ITGA10: variants seen among roughly 807,000 people sequenced by gnomAD.
The protein encoded by ITGA10 is integrin subunit alpha 10.
In ITGA10, 105 loss-of-function variants were observed where a neutral mutation model predicts 145.2. The observed-to-expected ratio is 0.72, with a 90% CI of 0.62 to 0.85. The LOEUF is 0.85. ITGA10 is among the 40% of genes least tolerant of loss of function. The probability of loss-of-function intolerance (pLI) is 0.00; values close to 1 mark genes in which losing one functional copy is unlikely to be tolerated. For missense variants in ITGA10, 1,317 were observed against 1,444.5 expected, an observed-to-expected ratio of 0.91 and a Z score of 1.43; for synonymous variants, 506 against 557.8, an observed-to-expected ratio of 0.91 and a Z score of 1.31.
Position 145,892,368 on chromosome 1 carries a change from T to G in ITGA10, c.*430A>C. 1.3e-5 allele frequency: 2 copies of G among 158,660 alleles called. No individual in the cohort carries two copies. The highest frequency in any genetic ancestry group is 6.3e-5 in the Admixed American group (1 of 15,914). 9.8% of individuals were successfully genotyped at this position (158,660 alleles called of 1,614,324 possible). On this transcript the variant is annotated 3_prime_UTR_variant, in exon 30 of 30. Transcript: ENST00000369304. ...CCAACGTCAGCTCCCTCCTGTGGAG[T>G]GGGGAACAGGCAGGAAAGTGAGAGG...
At chr1:145,899,560 G>C (rs1655941048) in intron 15 of ITGA10, among the ~76,000 whole-genome samples, 1 of 151,724 alleles carries the variant, frequency 6.6e-6, no homozygotes, top group South Asian at 2.1e-4. Context: ...CCACGCTGGA[G>C]TGCAGTGGGG....
At chr1:145,908,021 C>T (rs587723338) in intron 1 of ITGA10, among the ~76,000 whole-genome samples, 3 of 152,110 alleles carry the variant, frequency 2.0e-5, no homozygotes, top group East Asian at 1.9e-4. Flanking sequence ...CCGCCCGCCT[C>T]GGCCTCCCAA....
rs201809761 is a variant in ITGA10, at chr1:145,898,165, G to A, written c.2291C>T (p.Thr764Ile). 2 of 1,614,058 alleles carry A rather than the reference G, an allele frequency of 1.2e-6. No individual in the cohort carries two copies. The highest frequency in any genetic ancestry group is 2.2e-5 in the East Asian group (1 of 44,870). Residue 764 changes from threonine (T) to isoleucine (I), a missense_variant, in exon 18 of 30, where the codon ACT (threonine) becomes ATT (isoleucine). Transcript: ENST00000369304. ...ALTVTFALDN[T>I]TKPGPVLNEG... is the part of the protein sequence containing the mutation. ...ATTCAGCACAGGCCCTGGCTTTGTA[G>A]TATTGTCCAAGGCAAAGGTCACAGT...
At chr1:145,904,873 T>C in intron 5 of ITGA10, 62 bp from the exon 6 acceptor site, 1 of 1,564,358 alleles carries the variant, frequency 6.4e-7, no homozygotes, top group South Asian at 1.1e-5. Context: ...GGGAAAGAGG[T>C]CACAGGAGGA....
At chr1:145,903,442 TG>T (rs1309023905) in intron 7 of ITGA10, among the ~76,000 whole-genome samples, 1 of 152,112 alleles carries the variant, frequency 6.6e-6, no homozygotes, top group Non-Finnish European at 1.5e-5. Context: ...GGATCATTGT[TG>T]GAGTGGAGGG....
Position 145,896,336 on chromosome 1 carries a change from G to A in ITGA10, c.2851C>T (p.Arg951Cys), listed in dbSNP as rs142228466. Reference protein sequence around the residue: ...LLFSSESTLHRYEVHPYGTLP... With the variant: ...LLFSSESTLHCYEVHPYGTLP... Reference sequence around the variant, plus strand: ...GTCCCATATGGGTGAACCTCATAGCGGTGCAGGGTAGACTCACTGTGTGAA... The same window carrying A: ...GTCCCATATGGGTGAACCTCATAGCAGTGCAGGGTAGACTCACTGTGTGAA... The change falls in exon 24 of 30, where the codon CGC becomes TGC. Residue 951 changes from arginine to cysteine, a missense_variant. By Grantham distance (180) the Arg-to-Cys change is radical. Coordinates refer to ENST00000369304, the MANE Select transcript of ITGA10 (RefSeq NM_003637.5). 4.6e-5 allele frequency: 75 copies of A among 1,613,842 alleles called. No homozygotes were observed. The highest frequency in any genetic ancestry group is 1.9e-4 in the African/African-American group (14 of 75,020).
intron 5 of ITGA10, 73 bp from the exon 6 acceptor site, chr1:145,904,884 C>A (rs1656909259): frequency 6.6e-7 from 1 of 1,511,240 alleles, no homozygotes; most frequent in Non-Finnish European, 9.1e-7. Flanking sequence ...CACAGGAGGA[C>A]ACATTCAATT....
chr1:145,899,038 C>T lies in ITGA10; in HGVS notation c.2130G>A (p.Gly710=). 1 of 1,614,210 alleles carries T rather than the reference C, an allele frequency of 6.2e-7. No homozygotes were observed. The highest frequency in any genetic ancestry group is 1.7e-4 in the Middle Eastern group (1 of 6,060). ...CAGAGCCATCAAATGCTGCACGTGCCCCAGCAGTCCATTCATCCAGTGATG... is the reference window on the plus strand; with the variant it reads ...CAGAGCCATCAAATGCTGCACGTGCTCCAGCAGTCCATTCATCCAGTGATG... The part of the protein sequence containing the change: ...FTASLDEWTA[G]ARAAFDGSGQ... Residue 710 remains glycine (G), a synonymous_variant, in exon 17 of 30, where the codon GGG becomes GGA. Coordinates refer to ENST00000369304, the MANE Select transcript of ITGA10 (RefSeq NM_003637.5).
chr1:145,907,631 G>A, intron 1 of ITGA10, 166 bp from the exon 2 acceptor site: 1 of 984,414 alleles, frequency 1.0e-6, no homozygotes, highest in African/African-American at 1.7e-5. Flanking sequence ...TCCAGGCAAA[G>A]ATGATTCCCT....
intron 6 of ITGA10, 152 bp from the exon 7 acceptor site, chr1:145,904,352 C>G: frequency 5.4e-6 from 4 of 744,046 alleles, no homozygotes; most frequent in Non-Finnish European, 8.9e-6. Flanking sequence ...TCTCCCCTTC[C>G]AAGCCCATCC....
chr1:145,894,424 TAATA>T (rs1363278875), intron 27 of ITGA10, among the ~76,000 whole-genome samples: 4 of 152,152 alleles, frequency 2.6e-5, no homozygotes, highest in Non-Finnish European at 5.9e-5. Flanking sequence ...AGTGGTTTCT[TAATA>T]AATCTTTGTT....
intron 27 of ITGA10, 94 bp from the exon 28 acceptor site, chr1:145,893,729 G>T: frequency 1.1e-6 from 1 of 926,350 alleles, no homozygotes; most frequent in Admixed American, 2.1e-5. Context: ...AGGCTGAGAG[G>T]CATAATGTTG....
At chr1:145,905,404 C>T (rs1273172691) in intron 5 of ITGA10, among the ~76,000 whole-genome samples, 7 of 151,256 alleles carry the variant, frequency 4.6e-5, no homozygotes, top group Middle Eastern at 3.4e-3. Flanking sequence ...CTCAGCCTCC[C>T]GAGTAGCTGG....
Position 145,897,827 on chromosome 1 carries a change from A to G in ITGA10, c.2420T>C (p.Ile807Thr). The G allele has an allele frequency of 6.2e-7, 1 of 1,613,966 alleles. No individual in the cohort carries two copies. Among genetic ancestry groups the G allele is most frequent in the Non-Finnish European group, 8.5e-7 (1 of 1,179,902 alleles). Residue 807 changes from isoleucine to threonine, a missense_variant, in exon 19 of 30, where the codon ATC becomes ACC. Coordinates refer to ENST00000369304, the MANE Select transcript of ITGA10 (RefSeq NM_003637.5). ...TDLVLQVNMD[I>T]RGSRKAPFVV... ...ATGTCCATCCAACCTGGAGCCTCTG[A>G]TGTCCATATTCACTTGAAGCACCAG...
rs138273709 is a variant in ITGA10, at chr1:145,900,985, C to G, written c.1596G>C (p.Leu532Phe). Residue 532 changes from leucine to phenylalanine, a missense_variant, in exon 14 of 30, where the codon TTG becomes TTC. Coordinates refer to ENST00000369304, the MANE Select transcript of ITGA10 (RefSeq NM_003637.5). ...GCTGAAGTGTTCCTTGGAGGGTCAG[C>G]AAGGACTGCTGGTGGAGGAGAGAAG... is the stretch of plus-strand genomic sequence containing the variant. Reference protein sequence around the residue: ...VYVYLVGQQSLLTLQGTLQPE... With the variant: ...VYVYLVGQQSFLTLQGTLQPE... 1 of 1,614,086 alleles carries G rather than the reference C, an allele frequency of 6.2e-7. No individual in the cohort carries two copies.
At chr1:145,893,015 T>A (rs782807095) in intron 29 of ITGA10, 146 bp downstream of exon 29, 267 of 907,972 alleles carry the variant, frequency 2.9e-4, no homozygotes, top group Non-Finnish European at 4.3e-4. Flanking sequence ...TTAACCAACA[T>A]TTGTGGGGTA....
intron 8 of ITGA10, 67 bp downstream of exon 8, chr1:145,902,744 G>T: frequency 6.4e-7 from 1 of 1,558,068 alleles, no homozygotes; most frequent in Non-Finnish European, 8.7e-7. Flanking sequence ...CCCAGTCCTT[G>T]GACAGTTCAC....
Position 145,892,672 on chromosome 1 carries a change from G to A in ITGA10, c.*126C>T. On this transcript the variant is annotated 3_prime_UTR_variant, in exon 30 of 30. Coordinates refer to ENST00000369304, the MANE Select transcript of ITGA10 (RefSeq NM_003637.5). ...TCCCTAGGACTCAAAAGTCAAGTCA[G>A]GCTGCTGGTCTGGGGAGATAGTCCA... 1 of 693,942 alleles carries A rather than the reference G, an allele frequency of 1.4e-6. No homozygotes were observed. Among genetic ancestry groups the A allele is most frequent in the South Asian group, 1.8e-5 (1 of 55,096 alleles). 43.0% of individuals were successfully genotyped at this position (693,942 alleles called of 1,614,324 possible). A position where few individuals can be genotyped will look rare whatever the true frequency, so the allele number is the denominator to read the frequency against.
rs1553748522 is a variant in ITGA10 at position 145,901,579 on chromosome 1, G to A, written c.1380C>T (p.Val460=). ...GAPRFRHRGK[V]IAFQLKKDGA... ...CATCTTTCTTAAGCTGGAAGGCGATGACTTTTCCTCGATGTCTAAATCGAG... is the reference window on the plus strand; with the variant it reads ...CATCTTTCTTAAGCTGGAAGGCGATAACTTTTCCTCGATGTCTAAATCGAG... The change falls in exon 12 of 30, where the codon GTC becomes GTT. Residue 460 remains valine (V), a synonymous_variant. Coordinates refer to ENST00000369304, the MANE Select transcript of ITGA10 (RefSeq NM_003637.5). The surrounding 1 kb of genome is among the most constrained non-coding windows in gnomAD (Gnocchi z 4.3). 6.2e-7 allele frequency: 1 copy of A among 1,607,776 alleles called. No individual in the cohort carries two copies. The highest frequency in any genetic ancestry group is 8.5e-7 in the Non-Finnish European group (1 of 1,177,486).
Sources: gnomAD v4.1 joint callset for allele counts (sites outside exome capture counted in the v4.1 genomes callset) on GRCh38, gnomAD v4.1.1 for gene constraint, Gnocchi (gnomAD v3.1) non-coding constraint, MANE v1.5 for transcripts, NCBI Gene and HGNC (gene_info 2026-07-23, HGNC 2026-07-21) for gene names.